Variants in CRBN observed in about 807,000 individuals in gnomAD.
The protein encoded by CRBN is protein cereblon.
Under a neutral mutation model 62.2 loss-of-function variants are expected in CRBN, and 53 were observed. The observed-to-expected ratio is 0.85, with a 90% CI of 0.68 to 1.07. The LOEUF (loss-of-function observed/expected upper bound fraction) is 1.07. Among genes scored for constraint, CRBN ranks in the 50% least tolerant of loss-of-function variants. The pLI is 0.00. For missense variants in CRBN, 616 were observed against 531.1 expected (o/e 1.16, Z -1.57); for synonymous variants, 208 against 176.1 (o/e 1.18, Z -1.43).
intron 5 of CRBN, among the ~76,000 whole-genome samples, chr3:3,157,511 TC>T (rs1706947460): frequency 6.6e-6 from 1 of 152,146 alleles, no homozygotes; most frequent in Admixed American, 6.5e-5. Flanking sequence ...AAGACCCTAC[TC>T]CTGCACCTGC....
chr3:3,156,354 T>C (rs1706892983), intron 5 of CRBN, 73 bp from the exon 6 acceptor site: 1 of 1,361,950 alleles, frequency 7.3e-7, no homozygotes, highest in South Asian at 1.2e-5. Context: ...GAGCAACATC[T>C]GAAAAATGAT....
chr3:3,163,217 G>A (rs1320516704), intron 5 of CRBN, among the ~76,000 whole-genome samples: 1 of 152,160 alleles, frequency 6.6e-6, no homozygotes, highest in East Asian at 1.9e-4. Flanking sequence ...TTTAAGCAAG[G>A]GAACCCTGTA....
intron 5 of CRBN, among the ~76,000 whole-genome samples, chr3:3,167,174 C>T (rs974066040): frequency 6.6e-6 from 1 of 152,050 alleles, no homozygotes; most frequent in Non-Finnish European, 1.5e-5. Flanking sequence ...AAGTCAATTT[C>T]TGCGATGTCA....
chr3:3,174,227 C>T lies in CRBN; in HGVS notation c.209G>A (p.Arg70Lys). 1 of 1,614,114 alleles carries T rather than the reference C, an allele frequency of 6.2e-7. No homozygotes were observed. The highest frequency in any genetic ancestry group is 8.5e-7 in the Non-Finnish European group (1 of 1,180,012). The part of the protein sequence containing the change: ...LGADMEEFHG[R>K]TLHDDDSCQV... ...ACAGCTGTCGTCATCGTGCAAAGTCCTGCCATGAAATTCTTCCATATCAGC... is the reference window on the plus strand; with the variant it reads ...ACAGCTGTCGTCATCGTGCAAAGTCTTGCCATGAAATTCTTCCATATCAGC... The change falls in exon 3 of 11, where the codon AGG becomes AAG. Residue 70 changes from arginine (R) to lysine (K), a missense_variant. Physicochemically the swap from Arg to Lys is conservative, Grantham distance 26. Transcript: ENST00000231948.
chr3:3,165,791 T>C (rs74356671), intron 5 of CRBN, among the ~76,000 whole-genome samples: 2,430 of 152,230 alleles, frequency 0.016, 20 homozygotes, highest in Non-Finnish European at 0.022. Context: ...AAAAAAAATC[T>C]CTAGTATGAA....
intron 5 of CRBN, among the ~76,000 whole-genome samples, chr3:3,166,525 G>A (rs749559093): frequency 3.3e-5 from 5 of 152,178 alleles, no homozygotes; most frequent in African/African-American, 9.6e-5. Context: ...ATTACTAAAC[G>A]TTAAAAAATA....
intron 5 of CRBN, among the ~76,000 whole-genome samples, chr3:3,162,259 G>A (rs890141241): frequency 6.6e-6 from 1 of 152,034 alleles, no homozygotes; most frequent in African/African-American, 2.4e-5. Flanking sequence ...GGGCAAGCAG[G>A]GAATATACTT....
intron 1 of CRBN, among the ~76,000 whole-genome samples, chr3:3,176,707 G>T (rs1707836549): frequency 1.3e-5 from 2 of 152,224 alleles, no homozygotes; most frequent in African/African-American, 2.4e-5. Flanking sequence ...TTGCACTCCA[G>T]CCTGGGCGAC....
intron 7 of CRBN, 45 bp from the exon 8 acceptor site, chr3:3,154,120 AG>A (rs757715053): frequency 1.5e-5 from 17 of 1,116,574 alleles, no homozygotes; most frequent in Non-Finnish European, 1.7e-5. Context: ...GAGTCAGATA[AG>A]CATCAGAGAA....
In CRBN at chr3:3,172,945, AG is replaced by A; in HGVS notation, c.378-21del. ...ACATTGCTTCCAAGAAAATTTTAAA[AG>A]GAAAGAATTTTGAACATTTGAGTTT... On this transcript the variant is annotated intron_variant, in intron 3 of 10. Transcript: ENST00000231948. 1 of 1,608,896 alleles carries A rather than the reference AG, an allele frequency of 6.2e-7. No individual in the cohort carries two copies.
intron 6 of CRBN, 70 bp downstream of exon 6, chr3:3,156,149 T>C: frequency 7.6e-7 from 1 of 1,308,456 alleles, no homozygotes; most frequent in Non-Finnish European, 1.1e-6. Context: ...ACTAAACCTT[T>C]GTTTTTTAAT....
At chr3:3,170,661 G>C (rs1350815765) in intron 4 of CRBN, among the ~76,000 whole-genome samples, 1 of 152,188 alleles carries the variant, frequency 6.6e-6, no homozygotes, top group Non-Finnish European at 1.5e-5. Flanking sequence ...CAGAGAAGTA[G>C]TGGAGCCAAG....
intron 1 of CRBN, among the ~76,000 whole-genome samples, chr3:3,177,612 G>A (rs567747286): frequency 6.6e-6 from 1 of 152,288 alleles, no homozygotes; most frequent in East Asian, 1.9e-4. Flanking sequence ...CCACTTTATT[G>A]CTCTACTACA....
At chr3:3,159,000 C>T (rs1053717680) in intron 5 of CRBN, among the ~76,000 whole-genome samples, 12 of 152,152 alleles carry the variant, frequency 7.9e-5, no homozygotes, top group African/African-American at 2.2e-4. Flanking sequence ...TTTATTAAGA[C>T]GGTTTTGACC....
At chr3:3,156,140 C>T (rs1490812090) in intron 6 of CRBN, 79 bp downstream of exon 6, 2 of 1,250,954 alleles carry the variant, frequency 1.6e-6, no homozygotes, top group African/African-American at 1.5e-5. Flanking sequence ...ACTGGAAAAA[C>T]TAAACCTTTG....
chr3:3,173,794 A>G, intron 3 of CRBN: 1 of 480,408 alleles, frequency 2.1e-6, no homozygotes, highest in Non-Finnish European at 3.8e-6. Flanking sequence ...AATGTTTTTC[A>G]TCAAATATAA....
Position 3,152,591 on chromosome 3 carries a change from AAAC to A in CRBN, c.1017-7_1017-5del. The A allele has an allele frequency of 6.2e-7, 1 of 1,614,084 alleles. No individual in the cohort carries two copies. Among genetic ancestry groups the A allele is most frequent in the Non-Finnish European group, 8.5e-7 (1 of 1,179,974 alleles). ...CATCGGCCCACATAAGGATAAACTA[AAAC>A]AAAGAATCAACATGGAGAACACGTC... On this transcript the variant is annotated splice_region_variant and splice_polypyrimidine_tract_variant and intron_variant, in intron 9 of 10. Coordinates refer to ENST00000231948, the MANE Select transcript of CRBN (RefSeq NM_016302.4).
At chr3:3,179,414 A>G (rs551918171) in intron 1 of CRBN, among the ~76,000 whole-genome samples, 93 of 152,234 alleles carry the variant, frequency 6.1e-4, no homozygotes, top group African/African-American at 2.2e-3. Context: ...ACCCTGGCTC[A>G]CGGCTCGGGG....
chr3:3,172,647 C>A, intron 4 of CRBN, 129 bp downstream of exon 4: 1 of 969,594 alleles, frequency 1.0e-6, no homozygotes, highest in Non-Finnish European at 1.6e-6. Context: ...TGGGCTATAC[C>A]TTAGAAGGGA....
Sources: allele counts gnomAD v4.1 joint callset (sites outside exome capture counted in the v4.1 genomes callset), GRCh38; gene constraint gnomAD v4.1.1; transcripts MANE v1.5; gene names NCBI Gene and HGNC (gene_info 2026-07-23, HGNC 2026-07-21).